Variants in KIAA0825 observed in about 807,000 individuals in gnomAD.
The protein encoded by KIAA0825 is uncharacterized protein KIAA0825.
KIAA0825 carries 119 observed loss-of-function variants against 147.6 expected under a neutral mutation model. That is an observed-to-expected ratio of 0.81 (90% confidence interval 0.69 to 0.94). KIAA0825 has a LOEUF of 0.94. Among genes scored for constraint, KIAA0825 ranks in the 40% least tolerant of loss-of-function variants. The pLI is 0.00. For synonymous variants in KIAA0825, 470 were observed against 518.1 expected, an observed-to-expected ratio of 0.91 and a Z score of 1.26; for missense variants, 1,381 against 1,472.7, an observed-to-expected ratio of 0.94 and a Z score of 1.02.
At chr5:94,441,584 A>T (rs1757089570) in intron 13 of KIAA0825, among the ~76,000 whole-genome samples, 1 of 152,078 alleles carries the variant, frequency 6.6e-6, no homozygotes, top group Non-Finnish European at 1.5e-5. Context: ...CATGAATGGG[A>T]TTATAGTCCT....
intron 5 of KIAA0825, 119 bp downstream of exon 5, chr5:94,520,129 C>A: frequency 8.0e-7 from 1 of 1,251,082 alleles, no homozygotes. Context: ...AATTTCATTA[C>A]ATTCATTTTC....
chr5:94,332,029 G>T (rs1048201141), intron 20 of KIAA0825, among the ~76,000 whole-genome samples: 2 of 151,810 alleles, frequency 1.3e-5, no homozygotes, highest in African/African-American at 4.8e-5. Context: ...AGGCACAGGG[G>T]TGTGTGCCTA....
At chr5:94,465,422 C>A (rs751613842) in intron 10 of KIAA0825, among the ~76,000 whole-genome samples, 1 of 152,118 alleles carries the variant, frequency 6.6e-6, no homozygotes, top group Non-Finnish European at 1.5e-5. Flanking sequence ...AAATTAAAAT[C>A]TATTTAAATA....
chr5:94,236,514 C>CAAAG (rs1336242404), intron 20 of KIAA0825, among the ~76,000 whole-genome samples: 1 of 152,144 alleles, frequency 6.6e-6, no homozygotes, highest in African/African-American at 2.4e-5. Flanking sequence ...AAAAAGACAA[C>CAAAG]AAAGAATTTA....
chr5:94,425,181 A>G (rs1378601401), intron 14 of KIAA0825, among the ~76,000 whole-genome samples: 2 of 152,200 alleles, frequency 1.3e-5, no homozygotes, highest in African/African-American at 2.4e-5. Flanking sequence ...ACACAACAAA[A>G]AAAGAAAACT....
rs147363923 is a variant in KIAA0825 at position 94,225,948 on chromosome 5, G to A, written c.3711-71824C>T. Among the ~76,000 whole-genome samples, 391 of 152,282 alleles carry A rather than the reference G, an allele frequency of 2.6e-3. 3 individuals are homozygous for A. Among genetic ancestry groups the A allele is most frequent in the African/African-American group, 9.1e-3 (378 of 41,562 alleles). On this transcript the variant is annotated intron_variant, in intron 20 of 20. Transcript: ENST00000682413. ...CTAGGCAATACCATTCAGGACATAG[G>A]CAGGGCAAAGACTTCATGACTAAAA... is the stretch of plus-strand genomic sequence containing the variant.
chr5:94,603,897 A>G (rs920620629), intron 1 of KIAA0825, among the ~76,000 whole-genome samples: 3 of 152,334 alleles, frequency 2.0e-5, no homozygotes, highest in South Asian at 4.1e-4. Flanking sequence ...TATATATGCA[A>G]CCAACAAAGG....
chr5:94,339,041 CAT>C (rs925047857), intron 20 of KIAA0825, among the ~76,000 whole-genome samples: 3 of 152,032 alleles, frequency 2.0e-5, no homozygotes, highest in Admixed American at 2.0e-4. Flanking sequence ...CATTTTTTCA[CAT>C]ATTTCTTTCT....
chr5:94,193,956 A>T (rs1770901419), intron 20 of KIAA0825, among the ~76,000 whole-genome samples: 1 of 152,154 alleles, frequency 6.6e-6, no homozygotes, highest in Non-Finnish European at 1.5e-5. Flanking sequence ...CCAAAAGCAT[A>T]TTATTTGGGG....
chr5:94,416,563 G>C (rs1753493698), intron 15 of KIAA0825: 1 of 152,136 alleles, frequency 6.6e-6, no homozygotes, highest in South Asian at 2.1e-4. Context: ...TTTAAAGGCA[G>C]AATATTAAGG....
rs59763277 is a variant in KIAA0825, at chr5:94,529,362, CAT to C, written c.132-5266_132-5265del. Among the ~76,000 whole-genome samples, 372 of 133,774 alleles carry C rather than the reference CAT, an allele frequency of 2.8e-3. 1 individual carries two copies. The highest frequency in any genetic ancestry group is 0.01 in the African/African-American group (352 of 34,124). 87.8% of individuals were successfully genotyped at this position (133,774 alleles called of 152,430 possible). ...ATGTATATATCATATATGTATATAT[CAT>C]ATATGTATATATCTCATATATGTAT... On this transcript the variant is annotated intron_variant, in intron 3 of 20. Transcript: ENST00000682413.
At chr5:94,517,058 A>G (rs1016422234) in intron 5 of KIAA0825, among the ~76,000 whole-genome samples, 1 of 152,266 alleles carries the variant, frequency 6.6e-6, no homozygotes, top group African/African-American at 2.4e-5. Flanking sequence ...CCGAGATTGC[A>G]CCATTGCACT....
chr5:94,498,768 A>C (rs1000213470), intron 5 of KIAA0825, among the ~76,000 whole-genome samples: 1 of 152,132 alleles, frequency 6.6e-6, no homozygotes, highest in African/African-American at 2.4e-5. Flanking sequence ...TGTAATCTCT[A>C]CTGCTGGTAC....
intron 6 of KIAA0825, 76 bp from the exon 7 acceptor site, chr5:94,477,281 A>C (rs1254031372): frequency 1.0e-6 from 1 of 965,106 alleles, no homozygotes; most frequent in Non-Finnish European, 1.6e-6. Flanking sequence ...TTATAAATTC[A>C]GGTAAATATT....
Position 94,536,983 on chromosome 5 carries a change from T to TG in KIAA0825, c.131+12_131+13insC. The TG allele has an allele frequency of 3.2e-6, 5 of 1,568,732 alleles. No individual in the cohort carries two copies. Among genetic ancestry groups the TG allele is most frequent in the Non-Finnish European group, 4.4e-6 (5 of 1,148,212 alleles). ...GTGAAAACAACTTGTTTTAAATAAT[T>TG]AACAATATTTACCTTGCAGCATTTT... is the stretch of plus-strand genomic sequence containing the variant. On this transcript the variant is annotated intron_variant, in intron 3 of 20. Transcript: ENST00000682413.
At chr5:94,375,379 T>C (rs1051573728) in intron 20 of KIAA0825, among the ~76,000 whole-genome samples, 2 of 152,132 alleles carry the variant, frequency 1.3e-5, no homozygotes, top group African/African-American at 2.4e-5. Context: ...GTTTCTTTTA[T>C]ATTTGTGTTG....
chr5:94,333,779 AATC>A (rs1454716528), intron 20 of KIAA0825, among the ~76,000 whole-genome samples: 1 of 152,174 alleles, frequency 6.6e-6, no homozygotes. Flanking sequence ...AATGTGCAAA[AATC>A]ATAAGCATTC....
At chr5:94,221,613 T>C (rs1773672175) in intron 20 of KIAA0825, among the ~76,000 whole-genome samples, 1 of 152,154 alleles carries the variant, frequency 6.6e-6, no homozygotes, top group Non-Finnish European at 1.5e-5. Context: ...AGGGGCAGTC[T>C]CTGCTCATTC....
chr5:94,586,576 G>C (rs1183741538), intron 1 of KIAA0825, among the ~76,000 whole-genome samples: 2 of 152,162 alleles, frequency 1.3e-5, no homozygotes, highest in African/African-American at 4.8e-5. Flanking sequence ...AAAAACTCCA[G>C]GACCAGACAG....
Sources: allele counts gnomAD v4.1 joint callset (sites outside exome capture counted in the v4.1 genomes callset), GRCh38; gene constraint gnomAD v4.1.1; transcripts MANE v1.5; gene names NCBI Gene and HGNC (gene_info 2026-07-23, HGNC 2026-07-21).